The following BRWD1 variants were observed in gnomAD, a reference collection of about 807,000 sequenced individuals.
BRWD1 encodes the protein bromodomain and WD repeat domain containing 1, also known as bromodomain and WD repeat-containing protein 1.
BRWD1 carries 82 observed loss-of-function variants against 251.2 expected under a neutral mutation model. The ratio of observed to expected loss-of-function variants is 0.33; its 90% confidence interval spans 0.27 to 0.39. BRWD1 has a LOEUF of 0.39. BRWD1 is among the 10% of genes least tolerant of loss of function. The probability of loss-of-function intolerance (pLI) is 1.00; values close to 1 mark genes in which losing one functional copy is unlikely to be tolerated. For missense variants in BRWD1, 2,233 were observed against 2,711.6 expected, an observed-to-expected ratio of 0.82 and a Z score of 3.92; for synonymous variants, 918 against 902.8, an observed-to-expected ratio of 1.02 and a Z score of -0.30.
rs569276190 is a variant in BRWD1, at chr21:39,228,886, A to ACT, written c.3126-306_3126-305dup. 7.9e-5 allele frequency among the ~76,000 whole-genome samples: 12 copies of ACT among 152,314 alleles called. 1 individual carries two copies. The highest frequency in any genetic ancestry group is 2.9e-4 in the African/African-American group (12 of 41,566). On this transcript the variant is annotated intron_variant, in intron 26 of 40. Transcript: ENST00000342449. ...TTAAAAAAAAATGTTTATGCCTCAT[A>ACT]CTCTGCCAAGTCACATATTAAGACA... is the stretch of plus-strand genomic sequence containing the variant.
At chr21:39,311,006 G>C (rs1021059988) in intron 4 of BRWD1, among the ~76,000 whole-genome samples, 2 of 152,194 alleles carry the variant, frequency 1.3e-5, no homozygotes, top group African/African-American at 4.8e-5. Context: ...GGTAAAAAAA[G>C]AAAGGACACC....
chr21:39,223,682 G>A (rs1363162383), intron 29 of BRWD1, among the ~76,000 whole-genome samples: 1 of 152,168 alleles, frequency 6.6e-6, no homozygotes, highest in Non-Finnish European at 1.5e-5. Context: ...TGGAGGACAG[G>A]CTGGCTTTAA....
intron 37 of BRWD1, among the ~76,000 whole-genome samples, chr21:39,203,366 G>A (rs1568861726): frequency 1.3e-5 from 2 of 151,246 alleles, no homozygotes; most frequent in African/African-American, 2.4e-5. Flanking sequence ...TTTAGCCCAG[G>A]AGCTTGACAT....
intron 25 of BRWD1, 140 bp downstream of exon 25, chr21:39,232,037 G>A: frequency 6.2e-6 from 5 of 800,482 alleles, no homozygotes; most frequent in Non-Finnish European, 7.9e-6. Flanking sequence ...GGATCTTAAG[G>A]TTTGGTTACA....
chr21:39,293,536 A>G (rs2035874796), intron 8 of BRWD1, among the ~76,000 whole-genome samples: 1 of 152,132 alleles, frequency 6.6e-6, no homozygotes, highest in Non-Finnish European at 1.5e-5. Context: ...CAAGTTTTAA[A>G]GTTGAAAAAT....
At chr21:39,311,568 G>C (rs557486267) in intron 4 of BRWD1, among the ~76,000 whole-genome samples, 28 of 152,134 alleles carry the variant, frequency 1.8e-4, no homozygotes, top group Non-Finnish European at 3.8e-4. Flanking sequence ...ATGCTTTTCC[G>C]CTTCACCGAT....
chr21:39,298,038 A>T, intron 5 of BRWD1: 1 of 987,068 alleles, frequency 1.0e-6, no homozygotes, highest in East Asian at 1.1e-4. Context: ...CCTTTATAAC[A>T]AAGGGCTTTC....
intron 5 of BRWD1, 123 bp downstream of exon 5, chr21:39,298,309 T>C (rs2036013304): frequency 7.4e-7 from 1 of 1,351,474 alleles, no homozygotes; most frequent in Non-Finnish European, 9.6e-7. Context: ...GAGAATTTTA[T>C]AGTCCACAGC....
rs747233407 is a variant in BRWD1 at position 39,197,174 on chromosome 21, G to A, written c.5895C>T (p.Leu1965=). ...TCTTAGCTGTAGTACAAGCAAGATG[G>A]AGAGGTTTTTTCCTTCCATTTTTGC... ...TRSKNGRKKP[L]HLACTTAKKK... is the part of the protein sequence containing the mutation. The change falls in exon 41 of 41, where the codon CTC becomes CTT. Residue 1965 remains leucine, a synonymous_variant. Transcript: ENST00000342449. 6.2e-7 allele frequency: 1 copy of A among 1,614,088 alleles called. No individual in the cohort carries two copies. Among genetic ancestry groups the A allele is most frequent in the South Asian group, 1.1e-5 (1 of 91,076 alleles).
At position 39,193,770 on chromosome 21, in the gene BRWD1, T is replaced by G; in HGVS notation, c.*2489A>C. 1 of 985,528 alleles carries G rather than the reference T, an allele frequency of 1.0e-6. No individual in the cohort carries two copies. Among genetic ancestry groups the G allele is most frequent in the Non-Finnish European group, 1.2e-6 (1 of 829,670 alleles). The allele number at this position is 985,528 out of a possible 1,614,324, so 61.0% of individuals were successfully genotyped here. A position where few individuals can be genotyped will look rare whatever the true frequency, so the allele number is the denominator to read the frequency against. On this transcript the variant is annotated 3_prime_UTR_variant, in exon 41 of 41. Coordinates refer to ENST00000342449, the MANE Select transcript of BRWD1 (RefSeq NM_033656.4). ...AAAGTACACCTGTGCATTAAATCCC[T>G]GGGCATTTTGCATAACGTAGAAAAA...
chr21:39,192,330 T>G lies in BRWD1; in HGVS notation c.*3929A>C. ...TTTGCTAATCTAGTTGGACTCAGTTTTTCCCACAATGCTCTATTTTCTCAC... is the reference window on the plus strand; with the variant it reads ...TTTGCTAATCTAGTTGGACTCAGTTGTTCCCACAATGCTCTATTTTCTCAC... On this transcript the variant is annotated 3_prime_UTR_variant, in exon 41 of 41. Coordinates refer to ENST00000342449, the MANE Select transcript of BRWD1 (RefSeq NM_033656.4). 1 of 985,314 alleles carries G rather than the reference T, an allele frequency of 1.0e-6. No homozygotes were observed. The highest frequency in any genetic ancestry group is 1.2e-6 in the Non-Finnish European group (1 of 829,846). 61.0% of individuals were successfully genotyped at this position (985,314 alleles called of 1,614,324 possible). A position where few individuals can be genotyped will look rare whatever the true frequency, so the allele number is the denominator to read the frequency against.
intron 7 of BRWD1, among the ~76,000 whole-genome samples, chr21:39,295,211 G>T (rs148655659): frequency 9.7e-6 from 1 of 103,290 alleles, no homozygotes; most frequent in East Asian, 3.3e-4. Flanking sequence ...TTTTGAGACG[G>T]AATCTCGCTC....
At chr21:39,291,500 CAT>C (rs144071886) in intron 8 of BRWD1, among the ~76,000 whole-genome samples, 169 of 152,278 alleles carry the variant, frequency 1.1e-3, no homozygotes, top group African/African-American at 3.8e-3. Flanking sequence ...CATGTTTTTC[CAT>C]ATGTGACCAC....
intron 8 of BRWD1, among the ~76,000 whole-genome samples, chr21:39,287,960 T>C (rs1362321940): frequency 6.6e-6 from 1 of 152,172 alleles, no homozygotes; most frequent in Non-Finnish European, 1.5e-5. Flanking sequence ...AAATATTCAT[T>C]ATCTCATAGT....
chr21:39,240,111 T>C lies in BRWD1; in HGVS notation c.2482-1538A>G, dbSNP rs528695059. Among the ~76,000 whole-genome samples the C allele has an allele frequency of 2.0e-5, 3 of 152,274 alleles. No homozygotes were observed. The East Asian group carries it at 5.8e-4, about 29-fold the overall frequency. On this transcript the variant is annotated intron_variant, in intron 21 of 40. Coordinates refer to ENST00000342449, the MANE Select transcript of BRWD1 (RefSeq NM_033656.4). ...GCCATGAGAAGGCATGTAGGAAATG[T>C]AAATGCATATTAATAAATGAACGAA...
intron 4 of BRWD1, among the ~76,000 whole-genome samples, chr21:39,304,783 C>CTATA (rs2036232773): frequency 6.6e-6 from 1 of 151,884 alleles, no homozygotes; most frequent in South Asian, 2.1e-4. Flanking sequence ...GTTGGTGTGG[C>CTATA]TATATTAATG....
At chr21:39,308,667 G>T (rs1319653848) in intron 4 of BRWD1, among the ~76,000 whole-genome samples, 6 of 152,052 alleles carry the variant, frequency 3.9e-5, no homozygotes, top group Non-Finnish European at 8.8e-5. Flanking sequence ...GATTTAACTG[G>T]TTTGGGGCAT....
chr21:39,212,460 G>C (rs1001907925), intron 34 of BRWD1, among the ~76,000 whole-genome samples: 8 of 151,844 alleles, frequency 5.3e-5, no homozygotes. Context: ...TTTTTGAATG[G>C]CCTCTTCTTA....
chr21:39,279,715 T>C (rs1030063919), intron 9 of BRWD1, among the ~76,000 whole-genome samples: 1 of 150,108 alleles, frequency 6.7e-6, no homozygotes, highest in South Asian at 2.1e-4. Flanking sequence ...CATTAATCAA[T>C]TGTAAGTTTT....
Sources: allele counts gnomAD v4.1 joint callset (sites outside exome capture counted in the v4.1 genomes callset), GRCh38; gene constraint gnomAD v4.1.1; transcripts MANE v1.5; gene names NCBI Gene and HGNC (gene_info 2026-07-23, HGNC 2026-07-21).